Variants in SLC6A4 observed in about 807,000 individuals in gnomAD.
SLC6A4 encodes solute carrier family 6 member 4, also known as sodium-dependent serotonin transporter.
SLC6A4 carries 22 observed loss-of-function variants against 73.4 expected under a neutral mutation model. The ratio of observed to expected loss-of-function variants is 0.30; its 90% CI spans 0.21 to 0.43. The LOEUF (loss-of-function observed/expected upper bound fraction) is 0.43, where lower values mean the gene tolerates loss of function less well. SLC6A4 is among the 20% of genes least tolerant of loss of function. The pLI, the probability that SLC6A4 is intolerant of heterozygous loss-of-function variation, is 1.00. For synonymous variants in SLC6A4, 270 were observed against 315.5 expected (o/e 0.86, Z 1.53); for missense variants, 593 against 808.5 (o/e 0.73, Z 3.23).
rs570356284 is a variant in SLC6A4, at chr17:30,205,835, G to A, written c.1650+1897C>T. 3.7e-4 allele frequency among the ~76,000 whole-genome samples: 56 copies of A among 152,346 alleles called. 1 individual carries two copies. Among genetic ancestry groups the A allele is most frequent in the Middle Eastern group, 3.4e-3 (1 of 294 alleles). On this transcript the variant is annotated intron_variant, in intron 13 of 14. Coordinates refer to ENST00000650711, the MANE Select transcript of SLC6A4 (RefSeq NM_001045.6). ...ATCATAGATAAGTTAATGTCAAGAT[G>A]TGTGGGTACAAAAGAAGTACAAAAA...
intron 5 of SLC6A4, 29 bp from the exon 6 acceptor site, chr17:30,217,333 G>A (rs768420966): frequency 6.2e-7 from 1 of 1,607,726 alleles, no homozygotes; most frequent in East Asian, 2.2e-5. Flanking sequence ...AAAGGCCCCT[G>A]AGAGGCTCTG....
chr17:30,232,164 G>A (rs8073965), intron 1 of SLC6A4, among the ~76,000 whole-genome samples: 1 of 152,162 alleles, frequency 6.6e-6, no homozygotes, highest in African/African-American at 2.4e-5. Flanking sequence ...ACACAGAAAG[G>A]TCACACCAAA....
intron 8 of SLC6A4, among the ~76,000 whole-genome samples, chr17:30,213,702 C>G (rs1906460012): frequency 1.3e-5 from 2 of 151,788 alleles, no homozygotes; most frequent in African/African-American, 4.8e-5. Context: ...CATCTGTGAT[C>G]AATTAAAATT....
chr17:30,230,089 A>G (rs527877952), intron 1 of SLC6A4, among the ~76,000 whole-genome samples: 1,692 of 132,998 alleles, frequency 0.013, 34 homozygotes, highest in African/African-American at 0.053. Flanking sequence ...AAGAAGAAGA[A>G]GAAGAAGAGG....
At chr17:30,225,957 C>A (rs1030918691) in intron 1 of SLC6A4, among the ~76,000 whole-genome samples, 1 of 152,204 alleles carries the variant, frequency 6.6e-6, no homozygotes, top group Non-Finnish European at 1.5e-5. Flanking sequence ...CCAGGAGCAA[C>A]CCGTACCTGA....
At chr17:30,217,904 C>T (rs899291367) in intron 5 of SLC6A4, among the ~76,000 whole-genome samples, 3 of 152,128 alleles carry the variant, frequency 2.0e-5, no homozygotes, top group African/African-American at 4.8e-5. Context: ...ACTGACTTGG[C>T]GCATGAGAAA....
intron 1 of SLC6A4, among the ~76,000 whole-genome samples, chr17:30,224,975 T>C (rs1424308517): frequency 6.6e-6 from 1 of 152,186 alleles, no homozygotes; most frequent in East Asian, 1.9e-4. Flanking sequence ...AGAGGTCTTG[T>C]TTCCTGAAAT....
chr17:30,228,495 C>A (rs186501358), intron 1 of SLC6A4, among the ~76,000 whole-genome samples: 125 of 152,350 alleles, frequency 8.2e-4, no homozygotes, highest in South Asian at 3.9e-3. Flanking sequence ...ACGGGCCTCA[C>A]TGGGTCATGC....
At chr17:30,207,699 A>G in intron 13 of SLC6A4, 33 bp downstream of exon 13, 1 of 1,422,456 alleles carries the variant, frequency 7.0e-7, no homozygotes, top group Non-Finnish European at 9.9e-7. Flanking sequence ...GTCTTTCGCC[A>G]GGGCAAGGAG....
chr17:30,207,792 G>A lies in SLC6A4; in HGVS notation c.1590C>T (p.Gly530=), dbSNP rs1476990849. ...QFCRDVKEML[G]FSPGWFWRIC... Reference sequence around the variant, plus strand: ...TCCTCCAGAACCACCCCGGGCTGAAGCCGAGCATTTCCTTCACGTCCCTGC... The same window carrying A: ...TCCTCCAGAACCACCCCGGGCTGAAACCGAGCATTTCCTTCACGTCCCTGC... Residue 530 remains glycine (G), a synonymous_variant, in exon 13 of 15, where the codon GGC becomes GGT. Coordinates refer to ENST00000650711, the MANE Select transcript of SLC6A4 (RefSeq NM_001045.6). The A allele has an allele frequency of 1.9e-6, 3 of 1,614,132 alleles. No individual in the cohort carries two copies. In the African/African-American group the frequency reaches 4.0e-5, roughly 22 times the overall value.
intron 8 of SLC6A4, among the ~76,000 whole-genome samples, chr17:30,214,182 G>A (rs1906475096): frequency 6.6e-6 from 1 of 151,956 alleles, no homozygotes. Context: ...CAGCACTTTG[G>A]GAGGCTGAGG....
At chr17:30,220,381 C>T (rs563819934) in intron 3 of SLC6A4, among the ~76,000 whole-genome samples, 1 of 152,184 alleles carries the variant, frequency 6.6e-6, no homozygotes, top group African/African-American at 2.4e-5. Flanking sequence ...CTGCTCTCCC[C>T]CAGGTTCCCA....
chr17:30,209,519 C>A (rs1377162824), intron 11 of SLC6A4, among the ~76,000 whole-genome samples: 1 of 151,900 alleles, frequency 6.6e-6, no homozygotes, highest in East Asian at 1.9e-4. Context: ...TGGTGGCACA[C>A]GCCTTTAATC....
intron 11 of SLC6A4, among the ~76,000 whole-genome samples, chr17:30,210,220 A>T (rs1180006280): frequency 1.3e-5 from 2 of 152,202 alleles, no homozygotes; most frequent in Non-Finnish European, 2.9e-5. Flanking sequence ...GAGTGGAAAT[A>T]GGCTGGAAAA....
chr17:30,215,219 T>G (rs1276561541), intron 8 of SLC6A4, among the ~76,000 whole-genome samples: 6 of 152,100 alleles, frequency 3.9e-5, no homozygotes, highest in Admixed American at 1.3e-4. Flanking sequence ...ATCTTTGTAT[T>G]TTTAGTACAG....
In SLC6A4 at chr17:30,211,356, T is replaced by G. The variant is rs28914832; in HGVS notation, c.1273A>C (p.Ile425Leu). ...GTGATTAACATCAGAAAGAAGATGATGGCAAAGAAAGTGGACGCTGGCATG... is the reference window on the plus strand; with the variant it reads ...GTGATTAACATCAGAAAGAAGATGAGGGCAAAGAAAGTGGACGCTGGCATG... The part of the protein sequence containing the change: ...ANMPASTFFA[I>L]IFFLMLITLG... Residue 425 changes from isoleucine (I) to leucine (L), a missense_variant, in exon 10 of 15, where the codon ATC becomes CTC. By Grantham distance (5) the Ile-to-Leu change is conservative. Transcript: ENST00000650711. The surrounding 1 kb of genome is among the most constrained non-coding windows in gnomAD (Gnocchi z 4.0). 1 of 1,613,652 alleles carries G rather than the reference T, an allele frequency of 6.2e-7. No homozygotes were observed. Among genetic ancestry groups the G allele is most frequent in the East Asian group, 2.2e-5 (1 of 44,888 alleles).
intron 1 of SLC6A4, among the ~76,000 whole-genome samples, chr17:30,226,139 C>T (rs2143016019): frequency 6.6e-6 from 1 of 152,318 alleles, no homozygotes; most frequent in Non-Finnish European, 1.5e-5. Flanking sequence ...TCAGGAAACT[C>T]AACTTTCTTT....
intron 4 of SLC6A4, 95 bp from the exon 5 acceptor site, chr17:30,218,432 A>G: frequency 4.3e-6 from 4 of 938,178 alleles, no homozygotes; most frequent in Non-Finnish European, 6.7e-6. Context: ...CCCGCAGCCC[A>G]GCAGAGGGGT....
In SLC6A4 at chr17:30,203,480, C is replaced by T. The variant is rs55932865; in HGVS notation, c.1651-141G>A. ...AAGATGTGATATATCCTGGATTGAA[C>T]TCTGACACACAGAATTACCAACTTC... On this transcript the variant is annotated intron_variant, in intron 13 of 14. Transcript: ENST00000650711. 4.7e-4 allele frequency: 334 copies of T among 705,470 alleles called. 1 individual carries two copies. In the African/African-American group the frequency reaches 5.2e-3, roughly 11 times the overall value. The allele number at this position is 705,470 out of a possible 1,614,324, so 43.7% of individuals were successfully genotyped here. A position where few individuals can be genotyped will look rare whatever the true frequency, so the allele number is the denominator to read the frequency against.
Sources: allele counts gnomAD v4.1 joint callset (sites outside exome capture counted in the v4.1 genomes callset), GRCh38; gene constraint gnomAD v4.1.1; non-coding constraint Gnocchi (gnomAD v3.1); transcripts MANE v1.5; gene names NCBI Gene and HGNC (gene_info 2026-07-23, HGNC 2026-07-21).